The following CNTNAP5 variants were observed in gnomAD, a reference collection of about 807,000 sequenced individuals.
CNTNAP5 encodes contactin-associated protein-like 5.
A neutral mutation model predicts 150.2 loss-of-function variants in CNTNAP5; 72 were observed. That is an observed-to-expected ratio of 0.48 (90% CI 0.40 to 0.58). The LOEUF is 0.58. Among genes scored for constraint, CNTNAP5 ranks in the 20% least tolerant of loss-of-function variants. The probability of loss-of-function intolerance (pLI) is 0.00; values close to 1 mark genes in which losing one functional copy is unlikely to be tolerated. For synonymous variants in CNTNAP5, 672 were observed against 619.8 expected (o/e 1.08, Z -1.25); for missense variants, 1,636 against 1,626.2 (o/e 1.01, Z -0.10).
chr2:124,778,246 A>C (rs1233108069), intron 17 of CNTNAP5, among the ~76,000 whole-genome samples: 1 of 152,108 alleles, frequency 6.6e-6, no homozygotes, highest in Non-Finnish European at 1.5e-5. Context: ...CACTGCCTAG[A>C]GCTTAGTGAG....
intron 3 of CNTNAP5, among the ~76,000 whole-genome samples, chr2:124,266,967 G>T (rs906646047): frequency 6.0e-5 from 7 of 117,140 alleles, no homozygotes; most frequent in African/African-American, 2.2e-4. Flanking sequence ...AGATAGATGA[G>T]AGATTTTTTT....
chr2:124,537,726 G>A (rs548275483), intron 10 of CNTNAP5, among the ~76,000 whole-genome samples: 1 of 152,148 alleles, frequency 6.6e-6, no homozygotes, highest in Non-Finnish European at 1.5e-5. Flanking sequence ...TTTGGAGAAA[G>A]GGGGAACCTG....
At chr2:124,811,648 A>C (rs1250698681) in intron 19 of CNTNAP5, among the ~76,000 whole-genome samples, 1 of 149,722 alleles carries the variant, frequency 6.7e-6, no homozygotes, top group East Asian at 2.0e-4. Context: ...TGAAATAATT[A>C]AATTGAAAAC....
intron 19 of CNTNAP5, among the ~76,000 whole-genome samples, chr2:124,817,571 A>C (rs1035199678): frequency 3.3e-5 from 5 of 152,178 alleles, no homozygotes; most frequent in Non-Finnish European, 5.9e-5. Context: ...AGTTGTATAA[A>C]GTCTTGAGAG....
intron 13 of CNTNAP5, among the ~76,000 whole-genome samples, chr2:124,698,718 G>C (rs1679457420): frequency 6.6e-6 from 1 of 152,116 alleles, no homozygotes; most frequent in African/African-American, 2.4e-5. Flanking sequence ...TGACTCCTGA[G>C]AGATGTAGGC....
rs374922418 is a variant in CNTNAP5, at chr2:124,333,934, G to C, written c.382-83509G>C. On this transcript the variant is annotated intron_variant, in intron 3 of 23. Transcript: ENST00000682447. Reference sequence around the variant, plus strand: ...GCTGCCAATTATCTTTAAAATTGCTGGTCTTGCTGGTGACTCATGAGTTAA... The same window carrying C: ...GCTGCCAATTATCTTTAAAATTGCTCGTCTTGCTGGTGACTCATGAGTTAA... Among the ~76,000 whole-genome samples, 15 of 152,238 alleles carry C rather than the reference G, an allele frequency of 9.9e-5. No homozygotes were observed. The South Asian group carries it at 2.9e-3, about 29-fold the overall frequency.
At position 124,433,997 on chromosome 2, in the gene CNTNAP5, A is replaced by C. The variant is rs530244250; in HGVS notation, c.530-487A>C. On this transcript the variant is annotated intron_variant, in intron 4 of 23. Coordinates refer to ENST00000682447, the MANE Select transcript of CNTNAP5 (RefSeq NM_001367498.1). ...ATTTTTTTCCACTGAACCCAGTAGA[A>C]GCCTCAGAATCCTTCTCAACACAGA... Among the ~76,000 whole-genome samples, 7 of 152,326 alleles carry C rather than the reference A, an allele frequency of 4.6e-5. No individual in the cohort carries two copies. The South Asian group carries it at 1.2e-3, about 27-fold the overall frequency.
chr2:124,106,715 G>A (rs1227696837), intron 1 of CNTNAP5, among the ~76,000 whole-genome samples: 1 of 152,128 alleles, frequency 6.6e-6, no homozygotes, highest in Non-Finnish European at 1.5e-5. Flanking sequence ...AGCCATTCTG[G>A]CAAATTATAG....
intron 14 of CNTNAP5, among the ~76,000 whole-genome samples, chr2:124,761,391 A>G (rs1680952393): frequency 6.6e-6 from 1 of 152,140 alleles, no homozygotes; most frequent in Admixed American, 6.6e-5. Context: ...CTTCATCTGC[A>G]GTTTATTGGT....
chr2:124,539,665 A>G (rs1432535102), intron 10 of CNTNAP5, among the ~76,000 whole-genome samples: 2 of 152,206 alleles, frequency 1.3e-5, no homozygotes, highest in Middle Eastern at 3.2e-3. Context: ...TTTGGCAAGG[A>G]TTGACTGAGA....
At chr2:124,231,732 T>C (rs1371008888) in intron 2 of CNTNAP5, among the ~76,000 whole-genome samples, 1 of 152,120 alleles carries the variant, frequency 6.6e-6, no homozygotes, top group East Asian at 1.9e-4. Context: ...CTTCTTTTAC[T>C]AGGACAGCTA....
In CNTNAP5 at chr2:124,419,902, T is replaced by TTC. The variant is rs1292079564; in HGVS notation, c.529+2314_529+2315dup. On this transcript the variant is annotated intron_variant, in intron 4 of 23. Transcript: ENST00000682447. ...TTTTATTTGACTGGATTGGTTTTCTTTCTTTCTTTCTTTCTTTCTTTCTTT... is the reference window on the plus strand; with the variant it reads ...TTTTATTTGACTGGATTGGTTTTCTTTCTCTTTCTTTCTTTCTTTCTTTCTTT... 9.6e-5 allele frequency among the ~76,000 whole-genome samples: 10 copies of TTC among 104,128 alleles called. No homozygotes were observed. In the East Asian group the frequency reaches 2.6e-3, roughly 28 times the overall value. The allele number at this position is 104,128 out of a possible 152,430, so 68.3% of individuals were successfully genotyped here. A position where few individuals can be genotyped will look rare whatever the true frequency, so the allele number is the denominator to read the frequency against.
chr2:124,867,890 T>A (rs1677665065), intron 20 of CNTNAP5, among the ~76,000 whole-genome samples: 1 of 152,214 alleles, frequency 6.6e-6, no homozygotes. Context: ...AAGTAAATAG[T>A]TAAAATTGAC....
intron 1 of CNTNAP5, among the ~76,000 whole-genome samples, chr2:124,177,504 A>G (rs1369064721): frequency 2.0e-5 from 3 of 152,172 alleles, no homozygotes; most frequent in Non-Finnish European, 2.9e-5. Context: ...GAAACGTTAT[A>G]TATCTAGATA....
chr2:124,194,410 TAAATATAA>T (rs1558795542), intron 1 of CNTNAP5, among the ~76,000 whole-genome samples: 1 of 3,604 alleles, frequency 2.8e-4, no homozygotes, highest in Non-Finnish European at 8.5e-4. Context: ...TATATATATA[TAAATATAA>T]ATAGGTGTGC....
At chr2:124,510,953 T>C (rs1694573537) in intron 8 of CNTNAP5, among the ~76,000 whole-genome samples, 1 of 152,184 alleles carries the variant, frequency 6.6e-6, no homozygotes, top group African/African-American at 2.4e-5. Flanking sequence ...CAGTTCTTTC[T>C]TACTTTTCAT....
intron 7 of CNTNAP5, among the ~76,000 whole-genome samples, chr2:124,489,094 C>G (rs939245987): frequency 6.6e-6 from 1 of 152,210 alleles, no homozygotes; most frequent in Non-Finnish European, 1.5e-5. Context: ...CTGGTGCTTT[C>G]CATGATTGAG....
rs1202912482 is a variant in CNTNAP5 at position 124,449,761 on chromosome 2, CT to C, written c.918+2825del. On this transcript the variant is annotated intron_variant, in intron 6 of 23. Coordinates refer to ENST00000682447, the MANE Select transcript of CNTNAP5 (RefSeq NM_001367498.1). Reference sequence around the variant, plus strand: ...TTCTCCAGATTGTTCAGCCAGCTTGCTCCAATGATTATAAAAGAAGATAGAT... The same window carrying C: ...TTCTCCAGATTGTTCAGCCAGCTTGCCCAATGATTATAAAAGAAGATAGAT... Among the ~76,000 whole-genome samples, 9 of 152,270 alleles carry C rather than the reference CT, an allele frequency of 5.9e-5. No homozygotes were observed. In the East Asian group the frequency reaches 1.5e-3, roughly 26 times the overall value.
chr2:124,128,541 C>T (rs1328337664), intron 1 of CNTNAP5, among the ~76,000 whole-genome samples: 2 of 152,176 alleles, frequency 1.3e-5, no homozygotes, highest in Non-Finnish European at 2.9e-5. Context: ...TACCATTTGA[C>T]CCAGCCATCC....
Sources: allele counts gnomAD v4.1 joint callset (sites outside exome capture counted in the v4.1 genomes callset), GRCh38; gene constraint gnomAD v4.1.1; transcripts MANE v1.5; gene names NCBI Gene and HGNC (gene_info 2026-07-23, HGNC 2026-07-21).